SGSM1: variants seen among roughly 807,000 people sequenced by gnomAD.
SGSM1 encodes the protein RUN and TBC1 domain containing 2.
Under a neutral mutation model 133.8 loss-of-function variants are expected in SGSM1, and 73 were observed. The ratio of observed to expected loss-of-function variants is 0.55; its 90% CI spans 0.45 to 0.66. SGSM1 has a LOEUF of 0.66. Among genes scored for constraint, SGSM1 ranks in the 30% least tolerant of loss-of-function variants. The probability of loss-of-function intolerance (pLI) is 0.00; values close to 1 mark genes in which losing one functional copy is unlikely to be tolerated. For missense variants in SGSM1, 1,213 were observed against 1,448.1 expected, an observed-to-expected ratio of 0.84 and a Z score of 2.64; for synonymous variants, 563 against 573.0, an observed-to-expected ratio of 0.98 and a Z score of 0.25.
At chr22:24,875,638 TCAG>T in intron 12 of SGSM1, among the ~76,000 whole-genome samples, 1 of 135,148 alleles carries the variant, frequency 7.4e-6, no homozygotes, top group African/African-American at 2.7e-5. Flanking sequence ...AGACTCCATC[TCAG>T]AAAAAAAAAA....
At chr22:24,866,267 A>G (rs1398016320) in intron 9 of SGSM1, among the ~76,000 whole-genome samples, 2 of 152,204 alleles carry the variant, frequency 1.3e-5, no homozygotes, top group African/African-American at 4.8e-5. Context: ...ATTCTATTTA[A>G]TTCTCACAGC....
rs1167860576 is a variant in SGSM1 at position 24,912,705 on chromosome 22, G to A, written c.2881G>A (p.Gly961Arg). ...MKRMNQNFPH[G>R]GAMDTHFANM... ...GAGGATGAACCAGAACTTCCCCCAC[G>A]GAGGCGCCATGGACACGCACTTTGC... Residue 961 changes from glycine to arginine, a missense_variant, in exon 22 of 25, where the codon GGA (glycine) becomes AGA (arginine). Gly to Arg is a moderately radical substitution (Grantham distance 125). Transcript: ENST00000400358. The A allele has an allele frequency of 9.9e-6, 16 of 1,613,640 alleles. No individual in the cohort carries two copies. Among genetic ancestry groups the A allele is most frequent in the South Asian group, 7.7e-5 (7 of 90,960 alleles).
intron 19 of SGSM1, among the ~76,000 whole-genome samples, chr22:24,900,413 T>TTCTTCTTTCTTTC (rs1555935573): frequency 7.0e-6 from 1 of 141,850 alleles, no homozygotes; most frequent in African/African-American, 2.9e-5. Context: ...CTTTCTGTAT[T>TTCTTCTTTCTTTC]TTTGAGACAG....
chr22:24,915,531 T>C (rs891956496), intron 22 of SGSM1, among the ~76,000 whole-genome samples: 1 of 151,814 alleles, frequency 6.6e-6, no homozygotes, highest in Non-Finnish European at 1.5e-5. Context: ...CATCCCATTG[T>C]GATTTATAAT....
At chr22:24,876,097 C>T (rs79258507) in intron 12 of SGSM1, among the ~76,000 whole-genome samples, 1,879 of 152,274 alleles carry the variant, frequency 0.012, 42 homozygotes, top group African/African-American at 0.044. Flanking sequence ...CCATGGACAG[C>T]GCAGGTGCCC....
chr22:24,807,655 C>T (rs1927483652), intron 2 of SGSM1, among the ~76,000 whole-genome samples: 1 of 152,182 alleles, frequency 6.6e-6, no homozygotes, highest in South Asian at 2.1e-4. Flanking sequence ...CAAGGCCTTG[C>T]ATGGCAGCAG....
intron 21 of SGSM1, among the ~76,000 whole-genome samples, chr22:24,906,965 A>T (rs1197658340): frequency 1.3e-5 from 2 of 151,060 alleles, no homozygotes; most frequent in Non-Finnish European, 2.9e-5. Context: ...AGTAAAATAA[A>T]AAATAAATAA....
At chr22:24,892,591 T>G (rs1183622239) in intron 16 of SGSM1, among the ~76,000 whole-genome samples, 1 of 152,022 alleles carries the variant, frequency 6.6e-6, no homozygotes, top group Non-Finnish European at 1.5e-5. Flanking sequence ...ATGCGTTGAT[T>G]GAGTGGATAG....
chr22:24,875,651 A>G (rs137903057), intron 12 of SGSM1, among the ~76,000 whole-genome samples: 1,742 of 152,062 alleles, frequency 0.011, 17 homozygotes, highest in African/African-American at 0.04. Flanking sequence ...GAAAAAAAAA[A>G]AAAGAAAGAA....
At chr22:24,826,232 GAATC>G (rs1928792634) in intron 2 of SGSM1, among the ~76,000 whole-genome samples, 1 of 152,168 alleles carries the variant, frequency 6.6e-6, no homozygotes, top group South Asian at 2.1e-4. Context: ...GAATTTCAGA[GAATC>G]AATCAATAAT....
intron 9 of SGSM1, among the ~76,000 whole-genome samples, chr22:24,865,949 A>G (rs959182254): frequency 2.6e-5 from 4 of 152,204 alleles, no homozygotes; most frequent in Non-Finnish European, 5.9e-5. Context: ...GGAGCAGCCT[A>G]ACGGAAGCCT....
chr22:24,818,558 G>T (rs971312898), intron 2 of SGSM1, among the ~76,000 whole-genome samples: 9 of 151,644 alleles, frequency 5.9e-5, no homozygotes, highest in African/African-American at 2.2e-4. Context: ...GTAGAGATGG[G>T]GTTTCACCTT....
intron 9 of SGSM1, among the ~76,000 whole-genome samples, chr22:24,864,943 A>G (rs985496072): frequency 6.6e-6 from 1 of 152,210 alleles, no homozygotes; most frequent in South Asian, 2.1e-4. Context: ...CAGATTATTT[A>G]TCTGTAAGAT....
chr22:24,861,446 G>C (rs1931148444), intron 9 of SGSM1, among the ~76,000 whole-genome samples: 2 of 151,952 alleles, frequency 1.3e-5, no homozygotes, highest in African/African-American at 2.4e-5. Context: ...CAGGACAATT[G>C]GTCCTGTGCT....
At chr22:24,879,916 G>A (rs900769828) in intron 14 of SGSM1, among the ~76,000 whole-genome samples, 5 of 151,996 alleles carry the variant, frequency 3.3e-5, no homozygotes, top group African/African-American at 1.2e-4. Context: ...TTCTCTCGTG[G>A]GCAGAAAGAG....
intron 9 of SGSM1, among the ~76,000 whole-genome samples, chr22:24,864,583 A>C (rs1302448562): frequency 6.6e-6 from 1 of 152,250 alleles, no homozygotes; most frequent in Non-Finnish European, 1.5e-5. Flanking sequence ...CGAAGGGTGC[A>C]TGTTGTAGGA....
At chr22:24,863,354 T>C (rs1931264962) in intron 9 of SGSM1, among the ~76,000 whole-genome samples, 1 of 152,146 alleles carries the variant, frequency 6.6e-6, no homozygotes, top group Admixed American at 6.5e-5. Flanking sequence ...AGACGGGGTT[T>C]CACCATGTTG....
chr22:24,861,351 CAA>C (rs139707), intron 9 of SGSM1, among the ~76,000 whole-genome samples: 69 of 75,870 alleles, frequency 9.1e-4, no homozygotes, highest in African/African-American at 2.6e-3. Flanking sequence ...GACTCTGTCT[CAA>C]AAAAAAAAAA....
At chr22:24,844,472 G>A (rs1468623002) in intron 2 of SGSM1, 1 of 157,000 alleles carries the variant, frequency 6.4e-6, no homozygotes. Context: ...GTTGCGATGA[G>A]CCAAGATTGT....
Sources: allele counts gnomAD v4.1 joint callset (sites outside exome capture counted in the v4.1 genomes callset), GRCh38; gene constraint gnomAD v4.1.1; transcripts MANE v1.5; gene names NCBI Gene and HGNC (gene_info 2026-07-23, HGNC 2026-07-21).